GABPA: variants seen among roughly 807,000 people sequenced by gnomAD.
GABPA encodes the protein GA-binding protein alpha chain.
Under a neutral mutation model 59.4 loss-of-function variants are expected in GABPA, and 4 were observed. The ratio of observed to expected loss-of-function variants is 0.07; its 90% CI spans 0.03 to 0.15. The LOEUF (loss-of-function observed/expected upper bound fraction) is 0.15, where lower values mean the gene tolerates loss of function less well. Ranked by LOEUF, GABPA falls within the 10% of genes least tolerant of loss-of-function variation. The pLI is 1.00. For missense variants in GABPA, 251 were observed against 543.8 expected (o/e 0.46, Z 5.36); for synonymous variants, 164 against 183.1 (o/e 0.90, Z 0.84).
intron 3 of GABPA, 55 bp downstream of exon 3, chr21:25,745,409 T>A: frequency 6.5e-7 from 1 of 1,534,748 alleles, no homozygotes. Context: ...CATAGGAATA[T>A]TTTTTGTTAG....
chr21:25,737,716 A>G (rs1211098996), intron 1 of GABPA, among the ~76,000 whole-genome samples: 1 of 152,152 alleles, frequency 6.6e-6, no homozygotes, highest in Non-Finnish European at 1.5e-5. Context: ...AAGTTTCCAG[A>G]AAATTTATGT....
rs190902025 is a variant in GABPA, at chr21:25,759,242, C to A, written c.748+1038C>A. ...TGCATATCAGAAATGCTAGCCAGAC[C>A]CACATATTTTTCAGAACACATGACT... On this transcript the variant is annotated intron_variant, in intron 6 of 9. Transcript: ENST00000400075. Among the ~76,000 whole-genome samples the A allele has an allele frequency of 8.9e-4, 135 of 152,242 alleles. 1 individual carries two copies. Among genetic ancestry groups the A allele is most frequent in the Admixed American group, 3.7e-3 (57 of 15,288 alleles).
chr21:25,757,022 C>T (rs2035652991), intron 5 of GABPA, among the ~76,000 whole-genome samples: 1 of 152,094 alleles, frequency 6.6e-6, no homozygotes, highest in South Asian at 2.1e-4. Context: ...TTCAATAGCA[C>T]TTTGCCTCTT....
chr21:25,739,552 TC>T (rs1343898416), intron 1 of GABPA, among the ~76,000 whole-genome samples: 1 of 152,204 alleles, frequency 6.6e-6, no homozygotes, highest in African/African-American at 2.4e-5. Context: ...AACCGGCAGA[TC>T]TTCACATTGA....
intron 1 of GABPA, among the ~76,000 whole-genome samples, chr21:25,740,858 G>T (rs2035202834): frequency 6.6e-6 from 1 of 152,190 alleles, no homozygotes; most frequent in Non-Finnish European, 1.5e-5. Context: ...TTGTATCAGT[G>T]TGATACTTTG....
intron 1 of GABPA, among the ~76,000 whole-genome samples, chr21:25,740,576 A>G (rs2035194701): frequency 6.6e-6 from 1 of 152,234 alleles, no homozygotes; most frequent in South Asian, 2.1e-4. Flanking sequence ...CTATTTGTGT[A>G]TTCTTTAGCA....
intron 1 of GABPA, among the ~76,000 whole-genome samples, chr21:25,735,973 C>T (rs1295976863): frequency 6.6e-6 from 1 of 152,192 alleles, no homozygotes; most frequent in South Asian, 2.1e-4. Flanking sequence ...GAGCAAAATG[C>T]AGACCCTGTC....
chr21:25,759,347 A>G (rs1475092513), intron 6 of GABPA, among the ~76,000 whole-genome samples: 2 of 152,138 alleles, frequency 1.3e-5, no homozygotes, highest in Non-Finnish European at 1.5e-5. Context: ...TATATACCCA[A>G]TAAGGAGAGA....
Position 25,741,581 on chromosome 21 carries a change from C to T in GABPA, c.-18C>T, listed in dbSNP as rs1424830337. On this transcript the variant is annotated 5_prime_UTR_variant, in exon 2 of 10. Transcript: ENST00000400075. ...AAAAGTCACTCTTGCAGGACTGATC[C>T]TTTGAAATACTCCAGCCATGACTAA... 1 of 1,572,854 alleles carries T rather than the reference C, an allele frequency of 6.4e-7. No homozygotes were observed. The highest frequency in any genetic ancestry group is 8.7e-7 in the Non-Finnish European group (1 of 1,150,042).
At position 25,735,037 on chromosome 21, in the gene GABPA, G is replaced by T; in HGVS notation, c.-568G>T. ...AGTCTGCGACCGGACGGGTCTAGGT[G>T]AGACAGAAGCCAAACAGGAGGAGGA... On this transcript the variant is annotated 5_prime_UTR_variant, in exon 1 of 10. Transcript: ENST00000400075. The T allele has an allele frequency of 7.0e-7, 1 of 1,436,554 alleles. No individual in the cohort carries two copies. Among genetic ancestry groups the T allele is most frequent in the Middle Eastern group, 1.7e-4 (1 of 5,766 alleles). The allele number at this position is 1,436,554 out of a possible 1,614,324, so 89.0% of individuals were successfully genotyped here.
At chr21:25,740,114 A>C (rs1474527829) in intron 1 of GABPA, among the ~76,000 whole-genome samples, 1 of 152,142 alleles carries the variant, frequency 6.6e-6, no homozygotes, top group Non-Finnish European at 1.5e-5. Flanking sequence ...CCCCATCTGG[A>C]ATGATACCTA....
rs1008066178 is a variant in GABPA at position 25,745,327 on chromosome 21, T to C, written c.195T>C (p.Ala65=). The C allele has an allele frequency of 3.1e-6, 5 of 1,610,350 alleles. No homozygotes were observed. The African/African-American group carries it at 6.7e-5, about 22-fold the overall frequency. ...CAAGACTACAGTGTTCTTTGGATGC[T>C]CATGAAATTTGTCTGCAAGATATCC... ...LEPRLQCSLD[A]HEICLQDIQL... Residue 65 remains alanine, a synonymous_variant, in exon 3 of 10, where the codon GCT becomes GCC. Transcript: ENST00000400075.
chr21:25,741,249 T>C (rs1396091738), intron 1 of GABPA, among the ~76,000 whole-genome samples: 1 of 152,100 alleles, frequency 6.6e-6, no homozygotes, highest in African/African-American at 2.4e-5. Context: ...CACCTCAGCC[T>C]CCGAAGTATT....
chr21:25,768,341 T>A (rs1018614233), intron 9 of GABPA, among the ~76,000 whole-genome samples: 1 of 152,030 alleles, frequency 6.6e-6, no homozygotes, highest in Non-Finnish European at 1.5e-5. Context: ...TATCTGAAAT[T>A]TGGAAAGCGT....
At chr21:25,766,340 A>G (rs539952524) in intron 9 of GABPA, among the ~76,000 whole-genome samples, 2 of 152,148 alleles carry the variant, frequency 1.3e-5, no homozygotes, top group East Asian at 3.9e-4. Flanking sequence ...TACTTTCATA[A>G]CTTCTGGTGG....
At chr21:25,747,560 G>C (rs1246335777) in intron 3 of GABPA, among the ~76,000 whole-genome samples, 1 of 152,184 alleles carries the variant, frequency 6.6e-6, no homozygotes, top group Non-Finnish European at 1.5e-5. Flanking sequence ...TCATGTCAAT[G>C]CAAACATACA....
At chr21:25,763,879 T>C (rs1412410255) in intron 7 of GABPA, among the ~76,000 whole-genome samples, 3 of 152,038 alleles carry the variant, frequency 2.0e-5, no homozygotes, top group Non-Finnish European at 2.9e-5. Flanking sequence ...TTTAGTACAA[T>C]ATATTTGACA....
At chr21:25,767,382 GAAGAA>G (rs2035916808) in intron 9 of GABPA, among the ~76,000 whole-genome samples, 1 of 151,630 alleles carries the variant, frequency 6.6e-6, no homozygotes, top group African/African-American at 2.4e-5. Flanking sequence ...AAAAAAGAGG[GAAGAA>G]AAGAAATCAT....
chr21:25,764,206 G>A lies in GABPA; in HGVS notation c.803-4G>A. ...AAAAAATTTCTCCTTGTCTGTCTTTGCAGCTGTGCAAATTATTCCAGCATC... is the reference window on the plus strand; with the variant it reads ...AAAAAATTTCTCCTTGTCTGTCTTTACAGCTGTGCAAATTATTCCAGCATC... On this transcript the variant is annotated splice_region_variant and splice_polypyrimidine_tract_variant and intron_variant, in intron 7 of 9. Transcript: ENST00000400075. 1 of 1,569,888 alleles carries A rather than the reference G, an allele frequency of 6.4e-7. No homozygotes were observed. Among genetic ancestry groups the A allele is most frequent in the Non-Finnish European group, 8.6e-7 (1 of 1,163,556 alleles).
Sources: allele counts gnomAD v4.1 joint callset (sites outside exome capture counted in the v4.1 genomes callset), GRCh38; gene constraint gnomAD v4.1.1; transcripts MANE v1.5; gene names NCBI Gene and HGNC (gene_info 2026-07-23, HGNC 2026-07-21).